The following ADGRF3 variants were observed in gnomAD, a reference collection of about 807,000 sequenced individuals.
The protein encoded by ADGRF3 is adhesion G protein-coupled receptor F3, also known as G protein-coupled receptor 113.
Under a neutral mutation model 93.2 loss-of-function variants are expected in ADGRF3, and 85 were observed. The ratio of observed to expected loss-of-function variants is 0.91; its 90% CI spans 0.77 to 1.09. ADGRF3 has a LOEUF of 1.09. Ranked by LOEUF, ADGRF3 falls within the 50% of genes least tolerant of loss-of-function variation. ADGRF3 has a pLI of 0.00. For missense variants in ADGRF3, 1,125 were observed against 1,246.2 expected (o/e 0.90, Z 1.46); for synonymous variants, 534 against 532.5 (o/e 1.00, Z -0.04).
Position 26,317,554 on chromosome 2 carries a change from ACT to A in ADGRF3, c.121_122del (p.Gln42GlyfsTer34). 1.3e-6 allele frequency: 2 copies of A among 1,571,546 alleles called. No homozygotes were observed. Among genetic ancestry groups the A allele is most frequent in the Non-Finnish European group, 8.6e-7 (1 of 1,158,680 alleles). The part of the protein sequence containing the change: ...AKTGLPEKGQ[S>X]QAGGESGSGQ... ...CAGATCCAGATTCCCCTCCAGCCTGACTCTGTCCCTGGAACAGAACACAGAGG... is the reference window on the plus strand; with the variant it reads ...CAGATCCAGATTCCCCTCCAGCCTGACTGTCCCTGGAACAGAACACAGAGG... On this transcript the variant is annotated frameshift_variant, in exon 2 of 14. Coordinates refer to ENST00000651242, the MANE Select transcript of ADGRF3 (RefSeq NM_001321971.2). LOFTEE classifies it high-confidence loss of function.
intron 1 of ADGRF3, among the ~76,000 whole-genome samples, chr2:26,328,435 C>T (rs1675564840): frequency 6.7e-6 from 1 of 150,304 alleles, no homozygotes; most frequent in Non-Finnish European, 1.5e-5. Context: ...TCTAATGACA[C>T]AACTATTAGG....
rs377509585 is a variant in ADGRF3 at position 26,313,363 on chromosome 2, G to T, written c.1269+14C>A. On this transcript the variant is annotated intron_variant, in intron 8 of 13. Coordinates refer to ENST00000651242, the MANE Select transcript of ADGRF3 (RefSeq NM_001321971.2). ...CGTGGAGGGGGCACGTGGGCAGCAG[G>T]GTGGAAGCTTCACCTTGGTTCTAGT... The T allele has an allele frequency of 3.3e-4, 513 of 1,564,712 alleles. 2 individuals carry two copies. Among genetic ancestry groups the T allele is most frequent in the Non-Finnish European group, 4.3e-4 (496 of 1,155,568 alleles).
chr2:26,327,816 A>G (rs890234218), intron 1 of ADGRF3, among the ~76,000 whole-genome samples: 1 of 151,262 alleles, frequency 6.6e-6, no homozygotes. Context: ...GGACTGTAAG[A>G]AATAAACGTC....
At chr2:26,338,651 G>A (rs60593764) in intron 1 of ADGRF3, among the ~76,000 whole-genome samples, 1 of 151,992 alleles carries the variant, frequency 6.6e-6, no homozygotes, top group African/African-American at 2.4e-5. Flanking sequence ...TAGTAGAGAT[G>A]GGGTTTCTCC....
chr2:26,316,994 T>G lies in ADGRF3; in HGVS notation c.243A>C (p.Glu81Asp), dbSNP rs137993374. Reference protein sequence around the residue: ...LDFPDKTWPPELSRTLTLPAA... With the variant: ...LDFPDKTWPPDLSRTLTLPAA... ...CAGGGAGAGTCAGTGTCCTGGAGAG[T>G]TCAGGGGGCCAGGTCTTATCTGGAA... The change falls in exon 3 of 14, where the codon GAA becomes GAC. Residue 81 changes from glutamate to aspartate, a missense_variant. Transcript: ENST00000651242. The G allele has an allele frequency of 2.3e-3, 3,650 of 1,612,654 alleles. 12 individuals are homozygous for G. Among genetic ancestry groups the G allele is most frequent in the Non-Finnish European group, 3.0e-3 (3,503 of 1,179,438 alleles).
In ADGRF3 at chr2:26,314,618, ACTCACCT is replaced by A. The variant is rs775931655; in HGVS notation, c.719-2_723del. The A allele has an allele frequency of 1.2e-6, 2 of 1,613,638 alleles. No individual in the cohort carries two copies. The highest frequency in any genetic ancestry group is 2.2e-5 in the South Asian group (2 of 91,042). ...CCCTGGGCCTCGAAGCAGCTCATGT[ACTCACCT>A]GCAGAAACGTGTGTGCGGCGCTATG... On this transcript the variant is annotated splice_acceptor_variant and coding_sequence_variant, in exon 6 of 14. Coordinates refer to ENST00000651242, the MANE Select transcript of ADGRF3 (RefSeq NM_001321971.2). LOFTEE classifies it high-confidence loss of function.
chr2:26,344,235 C>G (rs766069350), intron 1 of ADGRF3, among the ~76,000 whole-genome samples: 7 of 152,164 alleles, frequency 4.6e-5, no homozygotes, highest in Admixed American at 6.5e-5. Flanking sequence ...ACCCCACCTC[C>G]CAGGCTCAAG....
At chr2:26,331,431 T>C (rs1194032627) in intron 1 of ADGRF3, among the ~76,000 whole-genome samples, 1 of 152,144 alleles carries the variant, frequency 6.6e-6, no homozygotes, top group Non-Finnish European at 1.5e-5. Context: ...GCACCTGTAA[T>C]CCCAGCTACT....
chr2:26,321,994 A>G (rs1193567292), intron 1 of ADGRF3, among the ~76,000 whole-genome samples: 1 of 147,206 alleles, frequency 6.8e-6, no homozygotes, highest in Admixed American at 6.8e-5. Context: ...AAGCAAGCTG[A>G]TAGAGGCTGG....
chr2:26,328,743 C>T (rs953989366), intron 1 of ADGRF3, among the ~76,000 whole-genome samples: 5 of 152,208 alleles, frequency 3.3e-5, no homozygotes, highest in African/African-American at 9.7e-5. Flanking sequence ...TGAGGCACTG[C>T]GCCCAGCTGC....
chr2:26,312,949 G>A lies in ADGRF3; in HGVS notation c.1443C>T (p.Ala481=). Residue 481 remains alanine, a synonymous_variant, in exon 9 of 14, where the codon GCC becomes GCT. Transcript: ENST00000651242. The part of the protein sequence containing the change: ...AEARIQLDRR[A]LKNLLIATDK... Reference sequence around the variant, plus strand: ...TGTGGCTCAGAGATCTCACCTTCAGGGCTCTGCGGTCAAGCTGTATTCTGG... The same window carrying A: ...TGTGGCTCAGAGATCTCACCTTCAGAGCTCTGCGGTCAAGCTGTATTCTGG... 6.2e-7 allele frequency: 1 copy of A among 1,609,634 alleles called. No individual in the cohort carries two copies. Among genetic ancestry groups the A allele is most frequent in the Non-Finnish European group, 8.5e-7 (1 of 1,177,952 alleles).
chr2:26,317,738 AC>A (rs1366850032), intron 1 of ADGRF3, among the ~76,000 whole-genome samples, 176 bp from the exon 2 acceptor site: 1 of 152,104 alleles, frequency 6.6e-6, no homozygotes, highest in African/African-American at 2.4e-5. Flanking sequence ...CAGGGATGCA[AC>A]CCCAGGAACC....
At chr2:26,316,847 T>C in intron 3 of ADGRF3, 65 bp downstream of exon 3, 13 of 1,513,550 alleles carry the variant, frequency 8.6e-6, no homozygotes, top group Non-Finnish European at 1.2e-5. Context: ...TCAGGCAAGC[T>C]GGCTGCAGGA....
intron 10 of ADGRF3, 142 bp from the exon 11 acceptor site, chr2:26,310,379 C>T (rs1225288488): frequency 2.2e-6 from 2 of 897,982 alleles, no homozygotes; most frequent in African/African-American, 3.4e-5. Flanking sequence ...GCATAGGATC[C>T]ATTTCAGGTG....
rs182762391 is a variant in ADGRF3, at chr2:26,345,841, G to A, written c.114+280C>T. 9 of 430,772 alleles carry A rather than the reference G, an allele frequency of 2.1e-5. No individual in the cohort carries two copies. In the Admixed American group the frequency reaches 3.2e-4, roughly 15 times the overall value. The allele number at this position is 430,772 out of a possible 1,614,324, so 26.7% of individuals were successfully genotyped here. On this transcript the variant is annotated intron_variant, in intron 1 of 13. Coordinates refer to ENST00000651242, the MANE Select transcript of ADGRF3 (RefSeq NM_001321971.2). ...TCCCCCGGGACCGGGAGCAAAGCCC[G>A]CTGGGAAATTGACCTTTCACCCCCT...
intron 1 of ADGRF3, among the ~76,000 whole-genome samples, chr2:26,319,565 C>CCCTT (rs1221160490): frequency 6.1e-3 from 293 of 48,130 alleles, no homozygotes; most frequent in East Asian, 0.025. Flanking sequence ...CTCCCTCCCT[C>CCCTT]CCTTCCTTCC....
At chr2:26,343,468 C>T (rs1275835065) in intron 1 of ADGRF3, among the ~76,000 whole-genome samples, 1 of 151,612 alleles carries the variant, frequency 6.6e-6, no homozygotes. Context: ...GAGACAGAGC[C>T]TCGCTGTGTC....
intron 1 of ADGRF3, among the ~76,000 whole-genome samples, chr2:26,335,839 C>G (rs1428019682): frequency 6.6e-6 from 1 of 152,100 alleles, no homozygotes; most frequent in Non-Finnish European, 1.5e-5. Context: ...CAGATCATTT[C>G]CTGGAAGTAT....
In ADGRF3 at chr2:26,309,102, G is replaced by A; in HGVS notation, c.2999C>T (p.Thr1000Ile). 6.2e-7 allele frequency: 1 copy of A among 1,614,060 alleles called. No individual in the cohort carries two copies. Among genetic ancestry groups the A allele is most frequent in the Non-Finnish European group, 8.5e-7 (1 of 1,179,898 alleles). The change falls in exon 14 of 14, where the codon ACA (threonine) becomes ATA (isoleucine). Residue 1000 changes from threonine to isoleucine, a missense_variant. Thr to Ile is a moderately conservative substitution (Grantham distance 89). Transcript: ENST00000651242. ...SKGGSDTARK[T>I]DASE ...GTGTGTGGTTCACTCTGAAGCATCT[G>A]TCTTCCTGTGAAAGAGCTTGCGGCT...
Sources: gnomAD v4.1 joint callset for allele counts (sites outside exome capture counted in the v4.1 genomes callset) on GRCh38, gnomAD v4.1.1 for gene constraint, MANE v1.5 for transcripts, NCBI Gene and HGNC (gene_info 2026-07-23, HGNC 2026-07-21) for gene names.